Variants in TMOD1 observed in about 807,000 individuals in gnomAD.
TMOD1 encodes tropomodulin-1.
Under a neutral mutation model 40.6 loss-of-function variants are expected in TMOD1, and 17 were observed. The observed-to-expected ratio is 0.42, with a 90% CI of 0.29 to 0.63. The LOEUF (loss-of-function observed/expected upper bound fraction) is 0.63. Among genes scored for constraint, TMOD1 ranks in the 20% least tolerant of loss-of-function variants. The pLI is 0.22. For missense variants in TMOD1, 391 were observed against 447.6 expected, an observed-to-expected ratio of 0.87 and a Z score of 1.14; for synonymous variants, 181 against 175.0, an observed-to-expected ratio of 1.03 and a Z score of -0.27.
At chr9:97,530,787 C>CT (rs57086657) in intron 2 of TMOD1, among the ~76,000 whole-genome samples, 50,077 of 90,890 alleles carry the variant, frequency 0.55, 15,423 homozygotes, top group East Asian at 0.78. Context: ...CCGGGCCCGG[C>CT]TTTTTTTTTT....
chr9:97,594,845 A>G (rs545843722), intron 9 of TMOD1, among the ~76,000 whole-genome samples: 6 of 64,014 alleles, frequency 9.4e-5, no homozygotes, highest in Admixed American at 8.3e-4. Context: ...GCAAAGAGCC[A>G]GGCCAAGCAT....
Position 97,586,826 on chromosome 9 carries a change from C to T in TMOD1, c.871-4465C>T, listed in dbSNP as rs377710842. 2.7e-4 allele frequency among the ~76,000 whole-genome samples: 41 copies of T among 152,224 alleles called. No homozygotes were observed. The South Asian group carries it at 6.4e-3, about 24-fold the overall frequency. On this transcript the variant is annotated intron_variant, in intron 8 of 9. Coordinates refer to ENST00000259365, the MANE Select transcript of TMOD1 (RefSeq NM_003275.4). ...AGAAAGGGAACTCCCTGACCCCTTG[C>T]GCTTCCCAGGTGAGGCAATGCCTCG...
At chr9:97,566,277 C>A (rs1830726158) in intron 7 of TMOD1, among the ~76,000 whole-genome samples, 1 of 152,290 alleles carries the variant, frequency 6.6e-6, no homozygotes, top group East Asian at 1.9e-4. Context: ...GGTGGACCTG[C>A]AAGTCCAGTG....
intron 4 of TMOD1, among the ~76,000 whole-genome samples, chr9:97,554,859 G>C (rs1830511507): frequency 6.6e-6 from 1 of 152,156 alleles, no homozygotes; most frequent in South Asian, 2.1e-4. Flanking sequence ...AGCCACTGGG[G>C]GATGTGCAGG....
At position 97,591,361 on chromosome 9, in the gene TMOD1, A is replaced by T; in HGVS notation, c.941A>T (p.Lys314Ile). The T allele has an allele frequency of 6.2e-7, 1 of 1,614,208 alleles. No homozygotes were observed. Among genetic ancestry groups the T allele is most frequent in the Non-Finnish European group, 8.5e-7 (1 of 1,180,056 alleles). ...SMLEKNATLL[K>I]FGYHFTQQGP... ...TTGGAAAAAAACGCAACACTTCTCA[A>T]ATTCGGCTACCACTTTACCCAGCAA... Residue 314 changes from lysine to isoleucine, a missense_variant, in exon 9 of 10, where the codon AAA (lysine) becomes ATA (isoleucine). By Grantham distance (102) the Lys-to-Ile change is moderately radical. Coordinates refer to ENST00000259365, the MANE Select transcript of TMOD1 (RefSeq NM_003275.4).
At chr9:97,559,817 ATATATATGTCTATCTATCTATCTATC>A (rs1830606271) in intron 4 of TMOD1, among the ~76,000 whole-genome samples, 3 of 43,288 alleles carry the variant, frequency 6.9e-5, no homozygotes, top group Non-Finnish European at 1.4e-4. Flanking sequence ...ATATATATAT[ATATATATGTCTATCTATCTATCTATC>A]TATCTATCTC....
intron 8 of TMOD1, among the ~76,000 whole-genome samples, chr9:97,577,794 A>G (rs1441672765): frequency 1.3e-5 from 2 of 152,180 alleles, no homozygotes; most frequent in African/African-American, 4.8e-5. Flanking sequence ...AATAAAATAA[A>G]ATGAAAATAA....
chr9:97,558,707 G>C (rs1280611435), intron 4 of TMOD1, among the ~76,000 whole-genome samples: 2 of 152,164 alleles, frequency 1.3e-5, no homozygotes, highest in East Asian at 3.8e-4. Context: ...GCCTCCCAAA[G>C]TGCTGGGATT....
intron 9 of TMOD1, among the ~76,000 whole-genome samples, chr9:97,594,689 G>A (rs1036695109): frequency 5.9e-5 from 9 of 152,228 alleles, no homozygotes; most frequent in Admixed American, 2.0e-4. Flanking sequence ...TGACCAGTGC[G>A]TCTTCGGTCC....
chr9:97,517,666 C>G (rs964009751), intron 1 of TMOD1: 21 of 152,816 alleles, frequency 1.4e-4, no homozygotes, highest in Admixed American at 1.2e-3. Flanking sequence ...AAGATGAGAA[C>G]CAGCCAGGGA....
chr9:97,574,273 G>GT (rs1034641215), intron 8 of TMOD1, among the ~76,000 whole-genome samples: 1 of 151,986 alleles, frequency 6.6e-6, no homozygotes, highest in Admixed American at 6.5e-5. Flanking sequence ...GCCAGCGCGT[G>GT]TTCCGGGTGG....
At chr9:97,548,535 C>T (rs950508312) in intron 3 of TMOD1, among the ~76,000 whole-genome samples, 1 of 152,128 alleles carries the variant, frequency 6.6e-6, no homozygotes, top group Admixed American at 6.5e-5. Flanking sequence ...CGAGGTGAGT[C>T]ATTGCTGGTG....
chr9:97,601,481 C>CCTGA lies in TMOD1; in HGVS notation c.*1783_*1784insCTGA. On this transcript the variant is annotated 3_prime_UTR_variant, in exon 10 of 10. Coordinates refer to ENST00000259365, the MANE Select transcript of TMOD1 (RefSeq NM_003275.4). Reference sequence around the variant, plus strand: ...AGAGTAAGTGCTGGGGAAAGCAGAGCTATCAGAGGAAATCTCTCATAGAAA... The same window carrying CCTGA: ...AGAGTAAGTGCTGGGGAAAGCAGAGCCTGATATCAGAGGAAATCTCTCATAGAAA... 2.0e-6 allele frequency: 2 copies of CCTGA among 993,520 alleles called. No individual in the cohort carries two copies. The highest frequency in any genetic ancestry group is 2.4e-6 in the Non-Finnish European group (2 of 834,776). 61.5% of individuals were successfully genotyped at this position (993,520 alleles called of 1,614,324 possible). A position where few individuals can be genotyped will look rare whatever the true frequency, so the allele number is the denominator to read the frequency against.
intron 8 of TMOD1, among the ~76,000 whole-genome samples, chr9:97,589,185 A>G (rs1262145262): frequency 6.6e-6 from 1 of 150,870 alleles, no homozygotes; most frequent in African/African-American, 2.4e-5. Flanking sequence ...TTATTCTCTC[A>G]GGTTCATTTT....
intron 1 of TMOD1, among the ~76,000 whole-genome samples, chr9:97,506,799 A>G (rs1228180380): frequency 6.6e-6 from 1 of 152,220 alleles, no homozygotes; most frequent in Non-Finnish European, 1.5e-5. Context: ...TTCTTGTTTT[A>G]TATCCGTGCT....
At chr9:97,507,077 G>A (rs1247006985) in intron 1 of TMOD1, among the ~76,000 whole-genome samples, 1 of 152,176 alleles carries the variant, frequency 6.6e-6, no homozygotes, top group Non-Finnish European at 1.5e-5. Context: ...CTTCCTCCTG[G>A]CCATTGCATT....
At chr9:97,576,635 T>A (rs570387978) in intron 8 of TMOD1, among the ~76,000 whole-genome samples, 2 of 151,718 alleles carry the variant, frequency 1.3e-5, no homozygotes, top group South Asian at 4.2e-4. Flanking sequence ...GTTACTTTTT[T>A]TTTTTTTTCT....
chr9:97,590,036 G>A (rs1444299802), intron 8 of TMOD1, among the ~76,000 whole-genome samples: 2 of 151,214 alleles, frequency 1.3e-5, no homozygotes, highest in Non-Finnish European at 2.9e-5. Context: ...CATACAAATC[G>A]TCTATTTTGT....
At chr9:97,551,933 T>C (rs1830459993) in intron 3 of TMOD1, among the ~76,000 whole-genome samples, 1 of 152,222 alleles carries the variant, frequency 6.6e-6, no homozygotes, top group Non-Finnish European at 1.5e-5. Flanking sequence ...GTTTTATTCT[T>C]TGGATGTATT....
Sources: gnomAD v4.1 joint callset for allele counts (sites outside exome capture counted in the v4.1 genomes callset) on GRCh38, gnomAD v4.1.1 for gene constraint, MANE v1.5 for transcripts, NCBI Gene and HGNC (gene_info 2026-07-23, HGNC 2026-07-21) for gene names.